Variants in TULP2 observed in about 807,000 individuals in gnomAD.
TULP2 encodes tubby-related protein 2.
Under a neutral mutation model 60.3 loss-of-function variants are expected in TULP2, and 64 were observed. The observed-to-expected ratio is 1.06, with a 90% confidence interval of 0.87 to 1.31. The LOEUF (loss-of-function observed/expected upper bound fraction) is 1.31. TULP2 is among the 50% of genes most tolerant of loss of function. The pLI is 0.00. For missense variants in TULP2, 652 were observed against 667.0 expected, an observed-to-expected ratio of 0.98 and a Z score of 0.25; for synonymous variants, 267 against 265.4, an observed-to-expected ratio of 1.01 and a Z score of -0.06.
Position 48,897,238 on chromosome 19 carries a change from G to T in TULP2, c.84+107C>A. Reference sequence around the variant, plus strand: ...TCAGTGGGAAAACTCAAGGATGAGAGACAGCCAACACGGGCTGGGAGTCCT... The same window carrying T: ...TCAGTGGGAAAACTCAAGGATGAGATACAGCCAACACGGGCTGGGAGTCCT... On this transcript the variant is annotated intron_variant, in intron 3 of 12. Transcript: ENST00000221399. The surrounding 1 kb of genome is among the most constrained non-coding windows in gnomAD (Gnocchi z 4.0). The T allele has an allele frequency of 8.0e-7, 1 of 1,252,742 alleles. No homozygotes were observed. The highest frequency in any genetic ancestry group is 1.1e-6 in the Non-Finnish European group (1 of 872,748). The allele number at this position is 1,252,742 out of a possible 1,614,324, so 77.6% of individuals were successfully genotyped here.
chr19:48,889,396 A>G (rs2122129004), intron 7 of TULP2, 114 bp downstream of exon 7: 2 of 1,476,206 alleles, frequency 1.4e-6, no homozygotes, highest in Non-Finnish European at 1.8e-6. Context: ...CAGCTTAATC[A>G]CCACCAGGAA....
chr19:48,895,164 T>G lies in TULP2; in HGVS notation c.350-2A>C. Reference sequence around the variant, plus strand: ...ACTGGAGACCGAGATTCCTGAACACTGAGGAAGGAAGGAGGGGAGAGTTGG... The same window carrying G: ...ACTGGAGACCGAGATTCCTGAACACGGAGGAAGGAAGGAGGGGAGAGTTGG... On this transcript the variant is annotated splice_acceptor_variant, in intron 5 of 12. Transcript: ENST00000221399. LOFTEE classifies it high-confidence loss of function. 1 of 1,612,548 alleles carries G rather than the reference T, an allele frequency of 6.2e-7. No homozygotes were observed. Among genetic ancestry groups the G allele is most frequent in the Non-Finnish European group, 8.5e-7 (1 of 1,179,424 alleles).
intron 9 of TULP2, 53 bp from the exon 10 acceptor site, chr19:48,884,099 G>A (rs897295448): frequency 8.2e-6 from 12 of 1,458,942 alleles, no homozygotes; most frequent in South Asian, 1.1e-5. Flanking sequence ...TACTCTTTGA[G>A]TAAGTGTCAC....
chr19:48,882,262 C>A, intron 11 of TULP2, 59 bp from the exon 12 acceptor site: 1 of 1,595,282 alleles, frequency 6.3e-7, no homozygotes, highest in South Asian at 1.1e-5. Flanking sequence ...CCATCTTGAA[C>A]AGGGGCGACT....
rs768387249 is a variant in TULP2, at chr19:48,895,000, G to A, written c.512C>T (p.Pro171Leu). Reference protein sequence around the residue: ...RRKGWQAHQRPGTRAEGESDS... With the variant: ...RRKGWQAHQRLGTRAEGESDS... Reference sequence around the variant, plus strand: ...CACCCCAATGTCCCCTAAATTACCAGGTCGTTGGTGGGCTTGCCAACCCTT... The same window carrying A: ...CACCCCAATGTCCCCTAAATTACCAAGTCGTTGGTGGGCTTGCCAACCCTT... The change falls in exon 6 of 13, where the codon CCT (proline) becomes CTT (leucine). Residue 171 changes from proline (P) to leucine (L), a missense_variant and splice_region_variant. Pro to Leu is a moderately conservative substitution (Grantham distance 98). Transcript: ENST00000221399. 1 of 1,611,648 alleles carries A rather than the reference G, an allele frequency of 6.2e-7. No individual in the cohort carries two copies. The highest frequency in any genetic ancestry group is 1.7e-5 in the Admixed American group (1 of 59,402).
At chr19:48,887,579 A>G (rs1299942232) in intron 8 of TULP2, among the ~76,000 whole-genome samples, 1 of 149,568 alleles carries the variant, frequency 6.7e-6, no homozygotes, top group African/African-American at 2.5e-5. Flanking sequence ...GTTTTTTGAG[A>G]TGGAGTCTTC....
At chr19:48,881,195 TTTTTTTTTTTTTTTTC>T (rs1213097918) in intron 12 of TULP2, 69 bp from the exon 13 acceptor site, 19,626 of 337,088 alleles carry the variant, frequency 0.058, 123 homozygotes, top group African/African-American at 0.14. Flanking sequence ...AACTGAGACT[TTTTTTTTTTTTTTTTC>T]TTTTTTTTTT....
At position 48,885,489 on chromosome 19, in the gene TULP2, T is replaced by C; in HGVS notation, c.1020A>G (p.Thr340=). ...TSNYLISLDP[T]HLSRDGDNFV... The stretch of plus-strand genomic sequence containing the variant: ...AATTGTCCCCGTCCCGAGATAGGTG[T>C]GTAGGATCCAGGGAGATGAGGTAAT... Residue 340 remains threonine, a synonymous_variant, in exon 9 of 13, where the codon ACA becomes ACG. Transcript: ENST00000221399. 6.2e-7 allele frequency: 1 copy of C among 1,613,968 alleles called. No individual in the cohort carries two copies.
At chr19:48,890,496 C>G (rs1300562530) in intron 6 of TULP2, among the ~76,000 whole-genome samples, 3 of 152,152 alleles carry the variant, frequency 2.0e-5, no homozygotes, top group African/African-American at 7.2e-5. Context: ...CCCTGGGTCC[C>G]CTTATTTCTT....
At chr19:48,881,188 T>C (rs553487743) in intron 12 of TULP2, 62 bp from the exon 13 acceptor site, 17 of 788,488 alleles carry the variant, frequency 2.2e-5, no homozygotes, top group Non-Finnish European at 3.1e-5. Flanking sequence ...CTTCGAGAAC[T>C]GAGACTTTTT....
At chr19:48,893,456 A>G (rs1373229946) in intron 6 of TULP2, among the ~76,000 whole-genome samples, 1 of 152,156 alleles carries the variant, frequency 6.6e-6, no homozygotes, top group Non-Finnish European at 1.5e-5. Context: ...TGAAATGTAC[A>G]GAATAGCCAA....
Position 48,887,854 on chromosome 19 carries a change from A to G in TULP2, c.948+96T>C, listed in dbSNP as rs1462175988. The stretch of plus-strand genomic sequence containing the variant: ...ATTATAGGCGTGAGCCACTGTGCCC[A>G]GCCCCAGGCTGGTCTTGACCTAGCT... On this transcript the variant is annotated intron_variant, in intron 8 of 12. Transcript: ENST00000221399. 1.2e-5 allele frequency: 17 copies of G among 1,368,524 alleles called. No homozygotes were observed. In the South Asian group the frequency reaches 2.3e-4, roughly 18 times the overall value. The allele number at this position is 1,368,524 out of a possible 1,614,324, so 84.8% of individuals were successfully genotyped here. A position where few individuals can be genotyped will look rare whatever the true frequency, so the allele number is the denominator to read the frequency against.
intron 11 of TULP2, among the ~76,000 whole-genome samples, chr19:48,882,985 C>T (rs943124128): frequency 2.0e-5 from 3 of 152,030 alleles, no homozygotes; most frequent in Non-Finnish European, 4.4e-5. Context: ...TTTGGGAGGC[C>T]GAGGCGGGTG....
chr19:48,881,946 GTGA>G, intron 12 of TULP2, 83 bp downstream of exon 12: 1 of 1,578,018 alleles, frequency 6.3e-7, no homozygotes, highest in Non-Finnish European at 8.7e-7. Context: ...AAACGCTCAA[GTGA>G]TGATGGGAGA....
chr19:48,892,515 T>TTG (rs2037242097), intron 6 of TULP2, among the ~76,000 whole-genome samples: 1 of 134,260 alleles, frequency 7.4e-6, no homozygotes, highest in African/African-American at 2.9e-5. Flanking sequence ...TTTTTTTTTT[T>TTG]GGGGGGGGGA....
chr19:48,894,614 C>T (rs933541555), intron 6 of TULP2, among the ~76,000 whole-genome samples: 4 of 152,054 alleles, frequency 2.6e-5, no homozygotes, highest in African/African-American at 9.7e-5. Context: ...GCACTCCAGC[C>T]TAGGCGACAG....
At position 48,881,022 on chromosome 19, in the gene TULP2, T is replaced by C. The variant is rs746771892; in HGVS notation, c.1552A>G (p.Ser518Gly). The change falls in exon 13 of 13, where the codon AGT becomes GGT. Residue 518 changes from serine to glycine, a missense_variant. Physicochemically the swap from Ser to Gly is moderately conservative, Grantham distance 56 (BLOSUM62 0). Coordinates refer to ENST00000221399, the MANE Select transcript of TULP2 (RefSeq NM_003323.3). ...PLQAFSICLS[S>G]FN ...TCAACAGCCAGCTTCTAATTGAAAC[T>C]GGACAAGCAGATGCTGAAGGCCTGG... The C allele has an allele frequency of 4.0e-5, 64 of 1,613,408 alleles. No homozygotes were observed. Among genetic ancestry groups the C allele is most frequent in the Non-Finnish European group, 5.1e-5 (60 of 1,179,724 alleles).
At chr19:48,882,750 A>G (rs1599970346) in intron 11 of TULP2, among the ~76,000 whole-genome samples, 2 of 152,292 alleles carry the variant, frequency 1.3e-5, no homozygotes, top group Non-Finnish European at 2.9e-5. Flanking sequence ...AACACCTTCA[A>G]ATAAGGAAGA....
intron 6 of TULP2, among the ~76,000 whole-genome samples, chr19:48,894,730 T>A (rs895087745): frequency 1.3e-5 from 2 of 151,998 alleles, no homozygotes; most frequent in Non-Finnish European, 2.9e-5. Flanking sequence ...TATGGGGGGA[T>A]GTTCATAGTT....
Sources: allele counts gnomAD v4.1 joint callset (sites outside exome capture counted in the v4.1 genomes callset), GRCh38; gene constraint gnomAD v4.1.1; non-coding constraint Gnocchi (gnomAD v3.1); transcripts MANE v1.5; gene names NCBI Gene and HGNC (gene_info 2026-07-23, HGNC 2026-07-21).